DDX46: variants seen among roughly 807,000 people sequenced by gnomAD.
DDX46 encodes the protein probable ATP-dependent RNA helicase DDX46.
A neutral mutation model predicts 134.9 loss-of-function variants in DDX46; 30 were observed. That is an observed-to-expected ratio of 0.22 (90% CI 0.17 to 0.30). The LOEUF is 0.30. DDX46 is among the 10% of genes least tolerant of loss of function. DDX46 has a pLI of 1.00. For missense variants in DDX46, 622 were observed against 1,248.7 expected, an observed-to-expected ratio of 0.50 and a Z score of 7.56; for synonymous variants, 415 against 404.1, an observed-to-expected ratio of 1.03 and a Z score of -0.32.
chr5:134,787,132 C>T (rs1754362355), intron 11 of DDX46, among the ~76,000 whole-genome samples: 1 of 152,054 alleles, frequency 6.6e-6, no homozygotes, highest in African/African-American at 2.4e-5. Flanking sequence ...CCATGTTGCC[C>T]AGGCTGGTCT....
At chr5:134,766,454 T>C (rs58597969) in intron 2 of DDX46, among the ~76,000 whole-genome samples, 106 of 151,948 alleles carry the variant, frequency 7.0e-4, no homozygotes, top group African/African-American at 2.4e-3. Flanking sequence ...CTCAGGAGGC[T>C]GAGGCAAGAG....
At chr5:134,773,621 A>G in intron 4 of DDX46, 75 bp from the exon 5 acceptor site, 1 of 1,464,248 alleles carries the variant, frequency 6.8e-7, no homozygotes, top group Non-Finnish European at 9.0e-7. Context: ...CTGGAATGTC[A>G]CTTGGAGCAA....
intron 15 of DDX46, among the ~76,000 whole-genome samples, chr5:134,796,430 C>T (rs916353300): frequency 2.6e-5 from 4 of 152,120 alleles, no homozygotes; most frequent in African/African-American, 9.7e-5. Flanking sequence ...TTCCATTGTA[C>T]GTGCTATCTG....
intron 1 of DDX46, among the ~76,000 whole-genome samples, chr5:134,763,105 G>A (rs993757171): frequency 6.6e-6 from 1 of 152,068 alleles, no homozygotes; most frequent in Non-Finnish European, 1.5e-5. Context: ...GGTGACGCAT[G>A]CCTGAAGTTC....
At chr5:134,765,594 C>T (rs1252942912) in intron 2 of DDX46, among the ~76,000 whole-genome samples, 2 of 151,758 alleles carry the variant, frequency 1.3e-5, no homozygotes, top group South Asian at 4.2e-4. Context: ...CACACCACAC[C>T]CAGCCAATTA....
intron 11 of DDX46, among the ~76,000 whole-genome samples, chr5:134,786,051 A>G (rs1754324037): frequency 6.6e-6 from 1 of 151,840 alleles, no homozygotes; most frequent in Admixed American, 6.6e-5. Flanking sequence ...GTTTCACCAT[A>G]TTGGCCAGAT....
chr5:134,771,751 A>G (rs1753780123), intron 4 of DDX46, among the ~76,000 whole-genome samples: 1 of 152,068 alleles, frequency 6.6e-6, no homozygotes, highest in African/African-American at 2.4e-5. Flanking sequence ...TTTCTTTTTA[A>G]TGCTGTAAGC....
At chr5:134,765,647 A>G (rs1580770267) in intron 2 of DDX46, among the ~76,000 whole-genome samples, 2 of 152,300 alleles carry the variant, frequency 1.3e-5, no homozygotes, top group African/African-American at 2.4e-5. Context: ...CTGTGTTGCT[A>G]GTGGCCTCCC....
At chr5:134,787,596 A>C (rs1216240845) in intron 11 of DDX46, among the ~76,000 whole-genome samples, 1 of 152,236 alleles carries the variant, frequency 6.6e-6, no homozygotes, top group African/African-American at 2.4e-5. Context: ...TAGTTTGTAG[A>C]AATACACTTA....
intron 21 of DDX46, among the ~76,000 whole-genome samples, chr5:134,824,366 G>T (rs1755533608): frequency 6.6e-6 from 1 of 152,184 alleles, no homozygotes; most frequent in African/African-American, 2.4e-5. Context: ...GCCGAAGCGG[G>T]CGGATCACAA....
chr5:134,815,725 A>G (rs1222518902), intron 18 of DDX46, among the ~76,000 whole-genome samples: 1 of 151,044 alleles, frequency 6.6e-6, no homozygotes, highest in Non-Finnish European at 1.5e-5. Context: ...AAAAAAAAAA[A>G]AAAAAAAGAA....
chr5:134,818,032 C>T, intron 20 of DDX46, among the ~76,000 whole-genome samples: 1 of 151,700 alleles, frequency 6.6e-6, no homozygotes, highest in Admixed American at 6.6e-5. Context: ...TCACCTCAAC[C>T]TCCGCCTCCC....
chr5:134,780,879 A>G (rs898702183), intron 6 of DDX46: 7 of 226,708 alleles, frequency 3.1e-5, no homozygotes, highest in African/African-American at 1.6e-4. Flanking sequence ...AAACAAAAAA[A>G]ATTAACTGGG....
chr5:134,802,406 C>A (rs1332244797), intron 15 of DDX46, among the ~76,000 whole-genome samples: 3 of 151,886 alleles, frequency 2.0e-5, no homozygotes, highest in African/African-American at 7.2e-5. Context: ...AGGTGATCCA[C>A]CCACCTCGGC....
At chr5:134,821,899 T>G (rs1409009768) in intron 21 of DDX46, among the ~76,000 whole-genome samples, 2 of 150,280 alleles carry the variant, frequency 1.3e-5, no homozygotes, top group Admixed American at 6.6e-5. Flanking sequence ...TTTTTTTGTT[T>G]TTTTTTTTTT....
At position 134,767,963 on chromosome 5, in the gene DDX46, C is replaced by A. The variant is rs1274219996; in HGVS notation, c.350+903C>A. 5.3e-3 allele frequency among the ~76,000 whole-genome samples: 786 copies of A among 147,504 alleles called. 6 individuals carry two copies. The highest frequency in any genetic ancestry group is 0.018 in the African/African-American group (743 of 40,304). On this transcript the variant is annotated intron_variant, in intron 3 of 22. Transcript: ENST00000452510. ...GAAACTCCTTCTCAAAAAAAAAAAA[C>A]AAAAAAAAGTTAACAGAAATTAAGA... is the stretch of plus-strand genomic sequence containing the variant.
chr5:134,827,573 C>G (rs1326160044), intron 22 of DDX46, among the ~76,000 whole-genome samples: 7 of 152,112 alleles, frequency 4.6e-5, no homozygotes, highest in Admixed American at 2.6e-4. Context: ...GCGCCCGGCC[C>G]TATATTGTGA....
chr5:134,782,411 G>GC (rs1754181710), intron 8 of DDX46, among the ~76,000 whole-genome samples: 1 of 152,110 alleles, frequency 6.6e-6, no homozygotes, highest in South Asian at 2.1e-4. Flanking sequence ...GGAGGCCAAG[G>GC]CGGGCAGATC....
At chr5:134,805,868 G>A (rs1218589978) in intron 15 of DDX46, among the ~76,000 whole-genome samples, 1 of 152,114 alleles carries the variant, frequency 6.6e-6, no homozygotes, top group East Asian at 1.9e-4. Context: ...AGTATTGATA[G>A]ACAAGACCTA....
Sources: allele counts gnomAD v4.1 joint callset (sites outside exome capture counted in the v4.1 genomes callset), GRCh38; gene constraint gnomAD v4.1.1; transcripts MANE v1.5; gene names NCBI Gene and HGNC (gene_info 2026-07-23, HGNC 2026-07-21).